Variants in ABCB1 observed in about 807,000 individuals in gnomAD.
ABCB1 encodes the protein ATP-dependent translocase ABCB1.
ABCB1 carries 69 observed loss-of-function variants against 142.0 expected under a neutral mutation model. The ratio of observed to expected loss-of-function variants is 0.49; its 90% CI spans 0.40 to 0.59. ABCB1 has a LOEUF of 0.59. ABCB1 is among the 20% of genes least tolerant of loss of function. The pLI is 0.00. For synonymous variants in ABCB1, 532 were observed against 539.2 expected (o/e 0.99, Z 0.18); for missense variants, 1,326 against 1,554.7 (o/e 0.85, Z 2.47).
chr7:87,507,219 T>G (rs1814788374), intron 26 of ABCB1, among the ~76,000 whole-genome samples: 2 of 152,198 alleles, frequency 1.3e-5, no homozygotes, highest in African/African-American at 4.8e-5. Context: ...ACAGGTGTGT[T>G]CTGTGTGACA....
At chr7:87,597,472 C>T (rs1584912519) in intron 2 of ABCB1, among the ~76,000 whole-genome samples, 1 of 151,894 alleles carries the variant, frequency 6.6e-6, no homozygotes, top group South Asian at 2.1e-4. Flanking sequence ...AAAATATAAT[C>T]TCTAATTTGA....
At chr7:87,668,933 G>A (rs1825548412) in intron 1 of ABCB1, among the ~76,000 whole-genome samples, 1 of 152,154 alleles carries the variant, frequency 6.6e-6, no homozygotes, top group Non-Finnish European at 1.5e-5. Flanking sequence ...ATGTGGTGAG[G>A]AGAAGAATGT....
At chr7:87,585,977 G>T (rs1236791386) in intron 3 of ABCB1, among the ~76,000 whole-genome samples, 2 of 152,100 alleles carry the variant, frequency 1.3e-5, no homozygotes, top group African/African-American at 4.8e-5. Flanking sequence ...GTATTTAATG[G>T]TATATAATAT....
At chr7:87,572,445 T>A (rs546277291) in intron 4 of ABCB1, among the ~76,000 whole-genome samples, 2 of 152,306 alleles carry the variant, frequency 1.3e-5, no homozygotes, top group South Asian at 4.1e-4. Flanking sequence ...GTATGTCCAA[T>A]TACACCATAC....
intron 1 of ABCB1, chr7:87,694,005 A>G (rs1046014607): frequency 6.2e-7 from 1 of 1,604,930 alleles, no homozygotes; most frequent in Non-Finnish European, 8.5e-7. Context: ...GCACGGGAGC[A>G]TGGAATTGAC....
At chr7:87,590,440 C>T (rs1226336558) in intron 3 of ABCB1, among the ~76,000 whole-genome samples, 1 of 152,168 alleles carries the variant, frequency 6.6e-6, no homozygotes, top group East Asian at 1.9e-4. Context: ...GGAGAAAAGC[C>T]ATACATGGTA....
chr7:87,584,773 T>C (rs1431356548), intron 4 of ABCB1, among the ~76,000 whole-genome samples: 1 of 152,106 alleles, frequency 6.6e-6, no homozygotes, highest in Admixed American at 6.6e-5. Context: ...ACACTCAAAT[T>C]CACTTTTCCC....
intron 1 of ABCB1, among the ~76,000 whole-genome samples, chr7:87,600,394 G>A (rs1380040314): frequency 1.3e-5 from 2 of 152,178 alleles, no homozygotes; most frequent in Non-Finnish European, 2.9e-5. Context: ...GGCAGAGTTG[G>A]GGGTCTGGCA....
At chr7:87,543,708 C>T (rs1318350271) in intron 17 of ABCB1, among the ~76,000 whole-genome samples, 2 of 152,140 alleles carry the variant, frequency 1.3e-5, no homozygotes, top group Non-Finnish European at 2.9e-5. Flanking sequence ...AAGAAGCATG[C>T]TAGGCTTACT....
At position 87,504,411 on chromosome 7, in the gene ABCB1, G is replaced by C. The variant is rs141856581; in HGVS notation, c.3675C>G (p.Arg1225=). The C allele has an allele frequency of 5.0e-6, 8 of 1,613,978 alleles. No individual in the cohort carries two copies. The African/African-American group carries it at 1.1e-4, about 22-fold the overall frequency. ...GGCGGTGAGCAATCACAATGCAGGT[G>C]CGGCCTTCTCTGGCTTTGTCCAGGG... ...QEALDKAREG[R]TCIVIAHRLS... The change falls in exon 28 of 28, where the codon CGC becomes CGG. Residue 1225 remains arginine (R), a synonymous_variant. Transcript: ENST00000622132.
At chr7:87,628,584 C>CGTGCGTGCGTGTGTGT (rs1468348829) in intron 1 of ABCB1, 2 of 278,404 alleles carry the variant, frequency 7.2e-6, no homozygotes, top group African/African-American at 4.8e-5. Flanking sequence ...TGCGTGCGTG[C>CGTGCGTGCGTGTGTGT]GTGTGTGTGT....
chr7:87,704,416 C>G (rs1232478947), intron 1 of ABCB1, among the ~76,000 whole-genome samples: 3 of 152,092 alleles, frequency 2.0e-5, no homozygotes, highest in Non-Finnish European at 4.4e-5. Context: ...TATTCTAAAC[C>G]CTTTCAATAG....
chr7:87,693,848 A>T, intron 1 of ABCB1: 2 of 1,558,850 alleles, frequency 1.3e-6, no homozygotes, highest in Non-Finnish European at 1.7e-6. Context: ...TTGGAACTGT[A>T]AACATGATGG....
intron 19 of ABCB1, among the ~76,000 whole-genome samples, chr7:87,538,767 C>T (rs1368498983): frequency 6.6e-6 from 1 of 152,098 alleles, no homozygotes; most frequent in African/African-American, 2.4e-5. Context: ...CCATTAAACC[C>T]ATTATCAGCC....
At chr7:87,682,165 T>A (rs1164692023) in intron 1 of ABCB1, among the ~76,000 whole-genome samples, 1 of 152,218 alleles carries the variant, frequency 6.6e-6, no homozygotes, top group East Asian at 1.9e-4. Context: ...ATTGCAATAA[T>A]TCAGTCACAT....
At position 87,576,883 on chromosome 7, in the gene ABCB1, CA is replaced by C. The variant is rs1584895180; in HGVS notation, c.287-6661del. Among the ~76,000 whole-genome samples the C allele has an allele frequency of 2.0e-5, 3 of 152,178 alleles. No individual in the cohort carries two copies. In the East Asian group the frequency reaches 5.8e-4, roughly 29 times the overall value. ...AGGGTGAATGGGGTATCTATCACCT[CA>C]AAAATTTATCCTTTCTTTGTGTTAC... On this transcript the variant is annotated intron_variant, in intron 4 of 27. Transcript: ENST00000622132.
At chr7:87,699,954 T>C (rs955893847) in intron 1 of ABCB1, among the ~76,000 whole-genome samples, 1 of 152,130 alleles carries the variant, frequency 6.6e-6, no homozygotes, top group Admixed American at 6.5e-5. Context: ...TTGTATACCT[T>C]TTTTGAAGTA....
In ABCB1 at chr7:87,566,944, C is replaced by A; in HGVS notation, c.371G>T (p.Gly124Val). ...YAYYYSGIGA[G>V]VLVAAYIQVS... ...CTGAATGTAAGCAGCAACCAGCACC[C>A]CAGCACCAATTCCACTGTAATAATA... Residue 124 changes from glycine to valine, a missense_variant, in exon 6 of 28, where the codon GGG (glycine) becomes GTG (valine). Coordinates refer to ENST00000622132, the MANE Select transcript of ABCB1 (RefSeq NM_001348946.2). 4 of 1,614,120 alleles carry A rather than the reference C, an allele frequency of 2.5e-6. No homozygotes were observed. The highest frequency in any genetic ancestry group is 2.2e-5 in the East Asian group (1 of 44,896).
At position 87,558,449 on chromosome 7, in the gene ABCB1, C is replaced by T. The variant is rs531767851; in HGVS notation, c.827+2814G>A. On this transcript the variant is annotated intron_variant, in intron 8 of 27. Coordinates refer to ENST00000622132, the MANE Select transcript of ABCB1 (RefSeq NM_001348946.2). The stretch of plus-strand genomic sequence containing the variant: ...AAACCTACTGGAATTTCTGTGTAGA[C>T]AATCTTATCGTCTGTGAATAACGAC... Among the ~76,000 whole-genome samples the T allele has an allele frequency of 2.1e-4, 32 of 152,276 alleles. 1 individual carries two copies. Among genetic ancestry groups the T allele is most frequent in the Admixed American group, 2.1e-3 (32 of 15,296 alleles).
Sources: gnomAD v4.1 joint callset for allele counts (sites outside exome capture counted in the v4.1 genomes callset) on GRCh38, gnomAD v4.1.1 for gene constraint, MANE v1.5 for transcripts, NCBI Gene and HGNC (gene_info 2026-07-23, HGNC 2026-07-21) for gene names.